Variants in TRMT11 observed in about 807,000 individuals in gnomAD.
The protein encoded by TRMT11 is tRNA (guanine(10)-N(2))-methyltransferase TRMT11.
A neutral mutation model predicts 62.8 loss-of-function variants in TRMT11; 53 were observed. The ratio of observed to expected loss-of-function variants is 0.84; its 90% confidence interval spans 0.68 to 1.06. The LOEUF (loss-of-function observed/expected upper bound fraction) is 1.06. TRMT11 is among the 50% of genes least tolerant of loss of function. The pLI, the probability that TRMT11 is intolerant of heterozygous loss-of-function variation, is 0.00. For synonymous variants in TRMT11, 188 were observed against 190.3 expected, an observed-to-expected ratio of 0.99 and a Z score of 0.10; for missense variants, 556 against 553.4, an observed-to-expected ratio of 1.00 and a Z score of -0.05.
chr6:126,084,942 G>A (rs1299638333), intron 17 of TRMT11, among the ~76,000 whole-genome samples: 1 of 152,156 alleles, frequency 6.6e-6, no homozygotes, highest in Non-Finnish European at 1.5e-5. Context: ...GAGAAATGCA[G>A]AGATGCTAGC....
chr6:126,021,043 A>G (rs1795733203), intron 11 of TRMT11, 117 bp from the exon 12 acceptor site: 3 of 1,150,230 alleles, frequency 2.6e-6, no homozygotes, highest in African/African-American at 3.1e-5. Flanking sequence ...CAGTTAGCAT[A>G]TGTGGGGAAA....
intron 21 of TRMT11, among the ~76,000 whole-genome samples, chr6:126,146,714 C>T (rs1344924820): frequency 2.0e-5 from 3 of 152,042 alleles, no homozygotes; most frequent in Non-Finnish European, 4.4e-5. Context: ...GGCGGGGTTT[C>T]ACCATGCTGG....
intron 16 of TRMT11, among the ~76,000 whole-genome samples, chr6:126,052,812 T>A (rs1244345410): frequency 1.3e-5 from 2 of 152,210 alleles, no homozygotes; most frequent in Non-Finnish European, 2.9e-5. Context: ...TCTCTCTTAG[T>A]TTTGGAGAAA....
intron 17 of TRMT11, among the ~76,000 whole-genome samples, chr6:126,093,717 G>A (rs1777308914): frequency 6.7e-6 from 1 of 148,430 alleles, no homozygotes; most frequent in Non-Finnish European, 1.5e-5. Context: ...TCCTTAGAGT[G>A]TTATAAAATT....
chr6:126,192,208 A>G (rs1304734124), intron 1 of TRMT11, among the ~76,000 whole-genome samples: 1 of 152,090 alleles, frequency 6.6e-6, no homozygotes, highest in Non-Finnish European at 1.5e-5. Context: ...TATAGCTATC[A>G]CAAATGAGAT....
At chr6:125,996,571 T>C (rs565696369) in intron 3 of TRMT11, among the ~76,000 whole-genome samples, 38 of 152,288 alleles carry the variant, frequency 2.5e-4, no homozygotes, top group African/African-American at 9.1e-4. Flanking sequence ...ATCATTGGCA[T>C]CCACTTTTTT....
intron 1 of TRMT11, among the ~76,000 whole-genome samples, chr6:126,188,396 G>A (rs9491574): frequency 0.064 from 9,722 of 151,942 alleles, 1,066 homozygotes; most frequent in African/African-American, 0.22. Flanking sequence ...CAACATCATA[G>A]TACTCAAGAA....
intron 7 of TRMT11, among the ~76,000 whole-genome samples, chr6:126,006,269 T>G (rs1186370334): frequency 6.6e-6 from 1 of 152,010 alleles, no homozygotes; most frequent in Non-Finnish European, 1.5e-5. Flanking sequence ...ATAAAATAGA[T>G]GCAATAATAT....
chr6:126,101,129 A>G (rs1777395434), intron 17 of TRMT11, among the ~76,000 whole-genome samples: 1 of 152,112 alleles, frequency 6.6e-6, no homozygotes, highest in African/African-American at 2.4e-5. Context: ...ACTGGTTCCT[A>G]ACAGGCCAAG....
At chr6:126,150,232 A>G (rs1778023160) in intron 21 of TRMT11, among the ~76,000 whole-genome samples, 1 of 152,184 alleles carries the variant, frequency 6.6e-6, no homozygotes, top group African/African-American at 2.4e-5. Context: ...TCACTATGTG[A>G]TACCCTGTGC....
intron 17 of TRMT11, among the ~76,000 whole-genome samples, chr6:126,056,250 G>A (rs1776371056): frequency 6.6e-6 from 1 of 152,172 alleles, no homozygotes; most frequent in Admixed American, 6.5e-5. Flanking sequence ...TAAAGACTAA[G>A]GAAGAGAAAA....
rs181486631 is a variant in TRMT11, at chr6:126,130,745, A to G, written c.*1823+14890A>G. The stretch of plus-strand genomic sequence containing the variant: ...CTCCCAGCAAACCACACAGCAGTCA[A>G]CTCTCAAGATTTCTTCCAGGAGGGT... On this transcript the variant is annotated intron_variant and NMD_transcript_variant, in intron 21 of 22. Transcript: ENST00000648977. 1.2e-4 allele frequency among the ~76,000 whole-genome samples: 19 copies of G among 152,138 alleles called. No individual in the cohort carries two copies. In the East Asian group the frequency reaches 3.1e-3, roughly 25 times the overall value.
intron 21 of TRMT11, among the ~76,000 whole-genome samples, chr6:126,161,840 G>T (rs1184318908): frequency 6.6e-6 from 1 of 152,174 alleles, no homozygotes; most frequent in African/African-American, 2.4e-5. Flanking sequence ...GAACAGTGAT[G>T]ATGAGCTTTT....
At chr6:126,063,801 A>G (rs1034368339) in intron 17 of TRMT11, among the ~76,000 whole-genome samples, 7 of 152,346 alleles carry the variant, frequency 4.6e-5, no homozygotes, top group African/African-American at 1.4e-4. Context: ...CGGTGAGCAA[A>G]AGCTTTTACA....
At chr6:126,076,023 C>T (rs138263561) in intron 17 of TRMT11, among the ~76,000 whole-genome samples, 1 of 151,590 alleles carries the variant, frequency 6.6e-6, no homozygotes, top group East Asian at 2.0e-4. Flanking sequence ...TGAACATTAA[C>T]TGCTTCTGCC....
chr6:126,047,876 C>T (rs1468430305), intron 16 of TRMT11, among the ~76,000 whole-genome samples: 1 of 152,226 alleles, frequency 6.6e-6, no homozygotes, highest in Admixed American at 6.5e-5. Context: ...GCCAGCTAGC[C>T]TGCTGTTCCC....
chr6:125,997,088 A>G (rs1255048584), intron 3 of TRMT11, among the ~76,000 whole-genome samples: 1 of 152,336 alleles, frequency 6.6e-6, no homozygotes, highest in Middle Eastern at 3.4e-3. Context: ...TCTAATTCAT[A>G]TATTTGATTA....
At chr6:126,198,678 G>T (rs1003507407) in intron 1 of TRMT11, 6 of 152,212 alleles carry the variant, frequency 3.9e-5, no homozygotes, top group Non-Finnish European at 7.3e-5. Flanking sequence ...TGTCTGAAAG[G>T]CTGCCACAGA....
At chr6:126,021,052 A>G in intron 11 of TRMT11, 108 bp from the exon 12 acceptor site, 2 of 1,294,186 alleles carry the variant, frequency 1.5e-6, no homozygotes, top group Non-Finnish European at 2.2e-6. Flanking sequence ...TATGTGGGGA[A>G]AAAGAGCATG....
Sources: gnomAD v4.1 joint callset for allele counts (sites outside exome capture counted in the v4.1 genomes callset) on GRCh38, gnomAD v4.1.1 for gene constraint, MANE v1.5 for transcripts, NCBI Gene and HGNC (gene_info 2026-07-23, HGNC 2026-07-21) for gene names.